TBCD: variants seen among roughly 807,000 people sequenced by gnomAD.
TBCD encodes tubulin folding cofactor D, also known as tubulin-specific chaperone D.
A neutral mutation model predicts 169.3 loss-of-function variants in TBCD; 105 were observed. The observed-to-expected ratio is 0.62, with a 90% CI of 0.53 to 0.73. The LOEUF (loss-of-function observed/expected upper bound fraction) is 0.73. Ranked by LOEUF, TBCD falls within the 30% of genes least tolerant of loss-of-function variation. TBCD has a pLI of 0.00. For missense variants in TBCD, 1,444 were observed against 1,600.1 expected (o/e 0.90, Z 1.66); for synonymous variants, 700 against 643.9 (o/e 1.09, Z -1.32).
At chr17:82,829,573 CATT>C (rs1231883755) in intron 13 of TBCD, 1 of 156,718 alleles carries the variant, frequency 6.4e-6, no homozygotes, top group Non-Finnish European at 1.4e-5. Flanking sequence ...TTCACTGTAA[CATT>C]ATAAGCAAGT....
At chr17:82,810,875 C>T (rs576723311) in intron 12 of TBCD, among the ~76,000 whole-genome samples, 1 of 152,326 alleles carries the variant, frequency 6.6e-6, no homozygotes, top group South Asian at 2.1e-4. Flanking sequence ...CCTTGTTTTC[C>T]TTCTGGAGGA....
intron 13 of TBCD, among the ~76,000 whole-genome samples, chr17:82,867,872 C>T (rs1047259861): frequency 2.0e-5 from 3 of 152,202 alleles, no homozygotes; most frequent in Non-Finnish European, 4.4e-5. Context: ...CTCAGTGCCT[C>T]CTGCCGGTGA....
At chr17:82,754,416 C>G (rs2047295260) in intron 1 of TBCD, among the ~76,000 whole-genome samples, 1 of 152,198 alleles carries the variant, frequency 6.6e-6, no homozygotes, top group Admixed American at 6.5e-5. Context: ...GAAAAGATAT[C>G]TTTAAAGGCC....
At chr17:82,849,833 A>T (rs2055500820) in intron 13 of TBCD, among the ~76,000 whole-genome samples, 1 of 152,250 alleles carries the variant, frequency 6.6e-6, no homozygotes, top group Admixed American at 6.5e-5. Context: ...CACAATCTGG[A>T]GGCAGAAGCG....
chr17:82,852,839 T>C (rs1464755189), intron 13 of TBCD, among the ~76,000 whole-genome samples: 3 of 152,200 alleles, frequency 2.0e-5, no homozygotes, highest in African/African-American at 7.2e-5. Flanking sequence ...GTGTGAGTTT[T>C]TGTGTGGATG....
rs2059075929 is a variant in TBCD, at chr17:82,890,756, C to T, written c.1563+1059C>T. ...CGTGGGGCCTGCATGTGTTCAGAGC[C>T]CTGAGCCCTGGTCGGAGCCAGTTCA... On this transcript the variant is annotated intron_variant, in intron 16 of 38. Transcript: ENST00000355528. The surrounding 1 kb of genome is among the most constrained non-coding windows in gnomAD (Gnocchi z 5.3). 1.3e-5 allele frequency among the ~76,000 whole-genome samples: 2 copies of T among 152,190 alleles called. No individual in the cohort carries two copies. Among genetic ancestry groups the T allele is most frequent in the African/African-American group, 2.4e-5 (1 of 41,464 alleles).
intron 4 of TBCD, among the ~76,000 whole-genome samples, chr17:82,767,475 C>A (rs1476660283): frequency 6.6e-6 from 1 of 151,950 alleles, no homozygotes; most frequent in Non-Finnish European, 1.5e-5. Context: ...GAGTTTCACT[C>A]TTCTTGCCCA....
intron 32 of TBCD, chr17:82,929,795 G>T: frequency 1.8e-6 from 1 of 540,612 alleles, no homozygotes; most frequent in Non-Finnish European, 3.3e-6. Context: ...TCCAGGACCT[G>T]TGTCTGATGC....
intron 15 of TBCD, among the ~76,000 whole-genome samples, chr17:82,887,182 CGT>C: frequency 7.6e-6 from 1 of 131,050 alleles, no homozygotes; most frequent in South Asian, 2.3e-4. Context: ...CGCGCGCGCA[CGT>C]GCGCTCACGC....
At chr17:82,883,672 G>A (rs952481998) in intron 14 of TBCD, among the ~76,000 whole-genome samples, 3 of 152,234 alleles carry the variant, frequency 2.0e-5, no homozygotes, top group African/African-American at 4.8e-5. Flanking sequence ...TGTGCATGGC[G>A]TGGTCTGCAG....
chr17:82,878,411 T>G (rs2058113558), intron 14 of TBCD, among the ~76,000 whole-genome samples: 1 of 152,218 alleles, frequency 6.6e-6, no homozygotes, highest in African/African-American at 2.4e-5. Context: ...GCTCCAAGCC[T>G]GGCACTGCCA....
intron 20 of TBCD, among the ~76,000 whole-genome samples, chr17:82,907,151 G>A (rs1295484027): frequency 6.6e-6 from 1 of 152,278 alleles, no homozygotes; most frequent in African/African-American, 2.4e-5. Flanking sequence ...AAAGCACACG[G>A]TTTGCGCAGA....
rs192007000 is a variant in TBCD, at chr17:82,794,257, G to C, written c.772-3500G>C. Among the ~76,000 whole-genome samples the C allele has an allele frequency of 4.0e-3, 615 of 152,308 alleles. 7 individuals are homozygous for C. The highest frequency in any genetic ancestry group is 0.013 in the African/African-American group (550 of 41,546). On this transcript the variant is annotated intron_variant, in intron 7 of 38. Coordinates refer to ENST00000355528, the MANE Select transcript of TBCD (RefSeq NM_005993.5). ...ACTGGGCTTGGAGAACATGCCCCAG[G>C]GGGGGGAAGCTGGCTCGCACGTTGC... is the stretch of plus-strand genomic sequence containing the variant.
intron 25 of TBCD, 47 bp downstream of exon 25, chr17:82,921,624 T>C (rs775200228): frequency 1.9e-6 from 3 of 1,572,382 alleles, no homozygotes; most frequent in Non-Finnish European, 2.6e-6. Flanking sequence ...GCGGTGTTAG[T>C]GTGTTAGTCA....
At chr17:82,807,558 C>G (rs780509245) in intron 10 of TBCD, 50 bp from the exon 11 acceptor site, 3 of 1,402,642 alleles carry the variant, frequency 2.1e-6, no homozygotes, top group Admixed American at 2.9e-5. Context: ...AGCTGGGAAA[C>G]TAGGAACTTT....
At position 82,889,261 on chromosome 17, in the gene TBCD, C is replaced by T. The variant is rs954503823; in HGVS notation, c.1534-407C>T. On this transcript the variant is annotated intron_variant, in intron 15 of 38. Transcript: ENST00000355528. This position sits in a 1 kb window ranked among gnomAD's most constrained non-coding sequence, Gnocchi z 5.3. ...CACCGTGCCATGGGTGCGGGCAGGG[C>T]GCCCTCCCTGGAGGGCGGCACGTGG... 1.7e-4 allele frequency among the ~76,000 whole-genome samples: 26 copies of T among 152,090 alleles called. No homozygotes were observed. Among genetic ancestry groups the T allele is most frequent in the Admixed American group, 1.7e-3 (26 of 15,274 alleles).
rs1274947731 is a variant in TBCD, at chr17:82,831,022, A to G, written c.1318+16088A>G. 5.0e-6 allele frequency: 8 copies of G among 1,614,132 alleles called. No homozygotes were observed. Among genetic ancestry groups the G allele is most frequent in the Non-Finnish European group, 6.8e-6 (8 of 1,180,036 alleles). On this transcript the variant is annotated intron_variant, in intron 13 of 38. Transcript: ENST00000355528. This position sits in a 1 kb window ranked among gnomAD's most constrained non-coding sequence, Gnocchi z 4.6. ...TTTGAAAATGACATTTTCTTACCTT[A>G]CTGGAGACTCTGCTGTGGTCTCAGC... is the stretch of plus-strand genomic sequence containing the variant.
At position 82,874,004 on chromosome 17, in the gene TBCD, G is replaced by A. The variant is rs551749412; in HGVS notation, c.1475+3624G>A. On this transcript the variant is annotated intron_variant, in intron 14 of 38. Transcript: ENST00000355528. The surrounding 1 kb of genome is among the most constrained non-coding windows in gnomAD (Gnocchi z 5.0). ...CTGCACAGCCTCCTGTTGGCCCCGT[G>A]AGGGTCCTGACTGGGGCTCCTCTTT... is the stretch of plus-strand genomic sequence containing the variant. 9.2e-5 allele frequency among the ~76,000 whole-genome samples: 14 copies of A among 152,328 alleles called. No homozygotes were observed. The South Asian group carries it at 2.7e-3, about 29-fold the overall frequency.
At chr17:82,846,063 G>A (rs975161280) in intron 13 of TBCD, among the ~76,000 whole-genome samples, 3 of 152,230 alleles carry the variant, frequency 2.0e-5, no homozygotes, top group Admixed American at 6.5e-5. Context: ...CCGGGCCGGA[G>A]GGCACCTCTC....
Sources: allele counts gnomAD v4.1 joint callset (sites outside exome capture counted in the v4.1 genomes callset), GRCh38; gene constraint gnomAD v4.1.1; non-coding constraint Gnocchi (gnomAD v3.1); transcripts MANE v1.5; gene names NCBI Gene and HGNC (gene_info 2026-07-23, HGNC 2026-07-21).